Variants in KCNK17 observed in about 807,000 individuals in gnomAD.
KCNK17 encodes the protein potassium two pore domain channel subfamily K member 17, also known as potassium channel subfamily K member 17.
A neutral mutation model predicts 24.6 loss-of-function variants in KCNK17; 27 were observed. The ratio of observed to expected loss-of-function variants is 1.10; its 90% CI spans 0.81 to 1.51. The LOEUF (loss-of-function observed/expected upper bound fraction) is 1.51. Among genes scored for constraint, KCNK17 ranks in the 40% most tolerant of loss-of-function variants. The probability of loss-of-function intolerance (pLI) is 0.00; values close to 1 mark genes in which losing one functional copy is unlikely to be tolerated. For missense variants in KCNK17, 450 were observed against 436.6 expected, an observed-to-expected ratio of 1.03 and a Z score of -0.27; for synonymous variants, 181 against 189.8, an observed-to-expected ratio of 0.95 and a Z score of 0.38.
intron 1 of KCNK17, among the ~76,000 whole-genome samples, chr6:39,311,321 C>T (rs925232853): frequency 2.0e-5 from 3 of 152,134 alleles, no homozygotes; most frequent in Non-Finnish European, 2.9e-5. Flanking sequence ...CTCCCCTGCT[C>T]ACTCCCATTC....
chr6:39,310,817 G>T, intron 2 of KCNK17, 76 bp downstream of exon 2: 1 of 974,326 alleles, frequency 1.0e-6, no homozygotes, highest in South Asian at 1.7e-5. Context: ...CCCTCCAAAA[G>T]GCAACTAGCC....
At chr6:39,308,349 G>A (rs1470943779) in intron 2 of KCNK17, among the ~76,000 whole-genome samples, 1 of 152,228 alleles carries the variant, frequency 6.6e-6, no homozygotes, top group Non-Finnish European at 1.5e-5. Flanking sequence ...GAAGTGCAGT[G>A]GCACAATCTC....
At chr6:39,311,613 T>C (rs1762140854) in intron 1 of KCNK17, among the ~76,000 whole-genome samples, 1 of 152,228 alleles carries the variant, frequency 6.6e-6, no homozygotes, top group Admixed American at 6.5e-5. Context: ...TGTGTAGACT[T>C]AGTACCTGGC....
chr6:39,301,746 G>C (rs977144126), intron 4 of KCNK17, among the ~76,000 whole-genome samples: 18 of 152,352 alleles, frequency 1.2e-4, no homozygotes, highest in Admixed American at 2.0e-4. Context: ...GTAGCCGGAT[G>C]GGACCTGGGG....
At chr6:39,310,833 C>T in intron 2 of KCNK17, 60 bp downstream of exon 2, 1 of 1,166,316 alleles carries the variant, frequency 8.6e-7, no homozygotes, top group South Asian at 1.5e-5. Context: ...TAGCCTGTTG[C>T]CTCTCAGGGA....
rs1398621077 is a variant in KCNK17, at chr6:39,299,639, T to C, written c.787A>G (p.Ile263Val). 1 of 1,613,772 alleles carries C rather than the reference T, an allele frequency of 6.2e-7. No homozygotes were observed. Among genetic ancestry groups the C allele is most frequent in the Non-Finnish European group, 8.5e-7 (1 of 1,179,978 alleles). The change falls in exon 5 of 5, where the codon ATC becomes GTC. Residue 263 changes from isoleucine (I) to valine (V), a missense_variant. Coordinates refer to ENST00000373231, the MANE Select transcript of KCNK17 (RefSeq NM_031460.4). ...MAWLALIIKL[I>V]LSQLETPGRV... ...CCTGGCGTCTCCAGCTGGGAGAGGA[T>C]GAGTTTGATGATCAAGGCCAGCCAT...
intron 2 of KCNK17, among the ~76,000 whole-genome samples, chr6:39,310,141 C>T: frequency 6.6e-6 from 1 of 152,174 alleles, no homozygotes; most frequent in East Asian, 1.9e-4. Context: ...AGTCCTGTGT[C>T]ATGCAGGAGT....
At chr6:39,307,569 A>G (rs897922134) in intron 2 of KCNK17, among the ~76,000 whole-genome samples, 8 of 152,168 alleles carry the variant, frequency 5.3e-5, no homozygotes, top group African/African-American at 1.9e-4. Flanking sequence ...CTAAGATTCC[A>G]GCTCTGAGAG....
chr6:39,301,912 G>T (rs560511303), intron 4 of KCNK17, among the ~76,000 whole-genome samples: 1 of 152,362 alleles, frequency 6.6e-6, no homozygotes, highest in East Asian at 1.9e-4. Flanking sequence ...AGGACAAGGA[G>T]ACCTGAGAGG....
Position 39,314,265 on chromosome 6 carries a change from A to T in KCNK17, c.56T>A (p.Val19Glu). ...APEGRVRGCA[V>E]PSTVLLLLAY... The stretch of plus-strand genomic sequence containing the variant: ...GAGCAGCAGGAGCACGGTGCTGGGC[A>T]CCGCGCAGCCCCGGACCCTGCCCTC... The change falls in exon 1 of 5, where the codon GTG becomes GAG. Residue 19 changes from valine to glutamate, a missense_variant. Val to Glu is a moderately radical substitution (Grantham distance 121). Transcript: ENST00000373231. 6.6e-7 allele frequency: 1 copy of T among 1,525,038 alleles called. No individual in the cohort carries two copies. Among genetic ancestry groups the T allele is most frequent in the South Asian group, 1.2e-5 (1 of 82,708 alleles). The allele number at this position is 1,525,038 out of a possible 1,614,324, so 94.5% of individuals were successfully genotyped here. A position where few individuals can be genotyped will look rare whatever the true frequency, so the allele number is the denominator to read the frequency against.
chr6:39,305,890 C>G (rs550914482), intron 2 of KCNK17, among the ~76,000 whole-genome samples: 1 of 152,224 alleles, frequency 6.6e-6, no homozygotes, highest in South Asian at 2.1e-4. Context: ...TATAAATGAC[C>G]CTTCCAGTCC....
At chr6:39,306,173 A>T (rs770158301) in intron 2 of KCNK17, among the ~76,000 whole-genome samples, 1 of 151,956 alleles carries the variant, frequency 6.6e-6, no homozygotes, top group Non-Finnish European at 1.5e-5. Context: ...CCTCCCGAGT[A>T]GCTGGGATTA....
intron 2 of KCNK17, among the ~76,000 whole-genome samples, chr6:39,307,566 T>C: frequency 6.6e-6 from 1 of 152,156 alleles, no homozygotes; most frequent in East Asian, 1.9e-4. Context: ...ACACTAAGAT[T>C]CCAGCTCTGA....
chr6:39,304,220 C>A, intron 3 of KCNK17, 89 bp from the exon 4 acceptor site: 1 of 1,295,876 alleles, frequency 7.7e-7, no homozygotes, highest in Non-Finnish European at 1.1e-6. Flanking sequence ...AGAGCTGTCC[C>A]CAGTAAGAAG....
intron 4 of KCNK17, chr6:39,300,358 A>G: frequency 1.2e-6 from 1 of 847,294 alleles, no homozygotes; most frequent in Non-Finnish European, 2.0e-6. Context: ...TCCTGAGCTC[A>G]GGCAATCCAC....
intron 2 of KCNK17, among the ~76,000 whole-genome samples, chr6:39,308,605 T>A (rs9462522): frequency 0.023 from 3,525 of 152,290 alleles, 124 homozygotes; most frequent in African/African-American, 0.077. Flanking sequence ...ATTTATTTGT[T>A]GAACAAATGG....
In KCNK17 at chr6:39,304,010, A is replaced by T; in HGVS notation, c.635T>A (p.Phe212Tyr). ...HMEGWSYTEG[F>Y]YFAFITLSTV... ...GCTGAGGGTGATGAAGGCGAAGTAG[A>T]AGCCCTCTGTGTAGCTCCAGCCCTC... Residue 212 changes from phenylalanine (F) to tyrosine (Y), a missense_variant, in exon 4 of 5, where the codon TTC becomes TAC. Transcript: ENST00000373231. The T allele has an allele frequency of 6.2e-7, 1 of 1,613,926 alleles. No homozygotes were observed. The highest frequency in any genetic ancestry group is 8.5e-7 in the Non-Finnish European group (1 of 1,180,006).
At chr6:39,311,478 G>A (rs1480240083) in intron 1 of KCNK17, among the ~76,000 whole-genome samples, 1 of 152,148 alleles carries the variant, frequency 6.6e-6, no homozygotes, top group Non-Finnish European at 1.5e-5. Context: ...CATTAAGGAG[G>A]AAGTGCAGCT....
intron 2 of KCNK17, among the ~76,000 whole-genome samples, chr6:39,305,742 G>A (rs960759618): frequency 1.3e-5 from 2 of 151,860 alleles, no homozygotes; most frequent in Admixed American, 1.3e-4. Context: ...CTTTCTCTGA[G>A]ACTCGTCTGG....
Sources: allele counts gnomAD v4.1 joint callset (sites outside exome capture counted in the v4.1 genomes callset), GRCh38; gene constraint gnomAD v4.1.1; transcripts MANE v1.5; gene names NCBI Gene and HGNC (gene_info 2026-07-23, HGNC 2026-07-21).